Variants in ZC3H12B observed in about 807,000 individuals in gnomAD.
The protein encoded by ZC3H12B is probable ribonuclease ZC3H12B.
A neutral mutation model predicts 43.9 loss-of-function variants in ZC3H12B; 7 were observed. The observed-to-expected ratio is 0.16, with a 90% CI of 0.09 to 0.30. The LOEUF (loss-of-function observed/expected upper bound fraction) is 0.30, where lower values mean the gene tolerates loss of function less well. Ranked by LOEUF, ZC3H12B falls within the 10% of genes least tolerant of loss-of-function variation. The pLI is 1.00. For missense variants in ZC3H12B, 475 were observed against 670.2 expected (o/e 0.71, Z 3.22); for synonymous variants, 222 against 241.7 (o/e 0.92, Z 0.76).
the ZC3H12B span, among the ~76,000 whole-genome samples, chrX:65,345,183 A>G: frequency 8.9e-6 from 1 of 112,367 alleles, no homozygotes; most frequent in Non-Finnish European, 1.9e-5. Context: ...CAACTTAGCA[A>G]TCTCATTACT....
chrX:65,212,671 T>A, the ZC3H12B span, among the ~76,000 whole-genome samples: 2 of 88,010 alleles, frequency 2.3e-5, no homozygotes, highest in Non-Finnish European at 4.3e-5. Flanking sequence ...TATAAATATA[T>A]ATGATTTATA....
chrX:65,420,635 A>T (rs1212311815), intron 3 of ZC3H12B, among the ~76,000 whole-genome samples: 1 of 112,360 alleles, frequency 8.9e-6, no homozygotes, highest in Non-Finnish European at 1.9e-5. Flanking sequence ...AGAGACCTAC[A>T]GACTGCCTGT....
At chrX:65,223,772 C>T in the ZC3H12B span, among the ~76,000 whole-genome samples, 3 of 111,904 alleles carry the variant, frequency 2.7e-5, no homozygotes, top group African/African-American at 6.5e-5. Flanking sequence ...CAATGTGATA[C>T]CATCCTATTC....
chrX:65,155,904 A>C, the ZC3H12B span, among the ~76,000 whole-genome samples: 3 of 110,232 alleles, frequency 2.7e-5, no homozygotes. Flanking sequence ...TGTATTCTAG[A>C]AGAGTATTTA....
the ZC3H12B span, among the ~76,000 whole-genome samples, chrX:65,085,498 G>A: frequency 1.9e-4 from 21 of 111,567 alleles, no homozygotes; most frequent in African/African-American, 6.5e-4. Context: ...TAGAGGCTGG[G>A]TGTAATGGCT....
At position 65,373,933 on chromosome X, in the gene ZC3H12B, GTATATATATATAGTTATATA is replaced by G. The variant is rs2066290684; in HGVS notation, n.295+4942_295+4961del. Among the ~76,000 whole-genome samples, 3 of 41,316 alleles carry G rather than the reference GTATATATATATAGTTATATA, an allele frequency of 7.3e-5. No homozygotes were observed. The African/African-American group carries it at 7.9e-4, about 11-fold the overall frequency. The allele number at this position is 41,316 out of a possible 115,157, so 35.9% of individuals were successfully genotyped here. ...GTTATATATATATACTATATATATA[GTATATATATATAGTTATATA>G]TATATACTGTATATATAGTATATAT... On this transcript the variant is annotated intron_variant and non_coding_transcript_variant, in intron 2 of 5. Transcript: ENST00000617377.
At chrX:65,438,366 C>CT (rs1331017873) in intron 3 of ZC3H12B, among the ~76,000 whole-genome samples, 1 of 111,707 alleles carries the variant, frequency 9.0e-6, no homozygotes, top group Non-Finnish European at 1.9e-5. Context: ...AATATCTTTC[C>CT]TTTTTTTATG....
the ZC3H12B span, among the ~76,000 whole-genome samples, chrX:65,046,086 G>A: frequency 9.0e-6 from 1 of 111,569 alleles, no homozygotes; most frequent in Non-Finnish European, 1.9e-5. Flanking sequence ...AGCACAGACA[G>A]AGTAGATTTA....
Position 65,384,865 on chromosome X carries a change from A to G in ZC3H12B, n.296-13728A>G, listed in dbSNP as rs192608286. On this transcript the variant is annotated intron_variant and non_coding_transcript_variant, in intron 2 of 5. Coordinates refer to the ZC3H12B transcript ENST00000617377. ...AAAGAAAGAACAGGAGTTGGAACATATGGCTAGCCAGTTTTCCCAGCACCA... is the reference window on the plus strand; with the variant it reads ...AAAGAAAGAACAGGAGTTGGAACATGTGGCTAGCCAGTTTTCCCAGCACCA... Among the ~76,000 whole-genome samples, 79 of 112,475 alleles carry G rather than the reference A, an allele frequency of 7.0e-4. No individual in the cohort carries two copies. The East Asian group carries it at 0.018, about 25-fold the overall frequency.
At chrX:65,440,038 T>C (rs1602441559) in intron 3 of ZC3H12B, among the ~76,000 whole-genome samples, 1 of 112,230 alleles carries the variant, frequency 8.9e-6, no homozygotes, top group Non-Finnish European at 1.9e-5. Context: ...TGTTATTGGA[T>C]CTTTTCACCA....
At chrX:65,253,561 G>A in the ZC3H12B span, among the ~76,000 whole-genome samples, 4 of 112,055 alleles carry the variant, frequency 3.6e-5, no homozygotes, top group Admixed American at 1.9e-4. Flanking sequence ...TTTAGCATTA[G>A]GGGAATTGTC....
At chrX:65,472,996 ATG>A (rs1345629708) in intron 3 of ZC3H12B, among the ~76,000 whole-genome samples, 2 of 75,365 alleles carry the variant, frequency 2.7e-5, no homozygotes, top group African/African-American at 1.0e-4. Flanking sequence ...ATATATATAT[ATG>A]TATATATATA....
At chrX:65,060,004 C>A in the ZC3H12B span, among the ~76,000 whole-genome samples, 3 of 112,171 alleles carry the variant, frequency 2.7e-5, no homozygotes, top group Non-Finnish European at 3.8e-5. Context: ...TTTTCAATTT[C>A]TTTTTCAGAT....
intron 3 of ZC3H12B, among the ~76,000 whole-genome samples, chrX:65,411,835 T>C (rs2066906979): frequency 9.1e-6 from 1 of 109,818 alleles, no homozygotes; most frequent in Non-Finnish European, 1.9e-5. Context: ...TATAATGTGA[T>C]TATTTCACAT....
At chrX:65,106,978 AG>A in the ZC3H12B span, among the ~76,000 whole-genome samples, 1 of 111,536 alleles carries the variant, frequency 9.0e-6, no homozygotes, top group Non-Finnish European at 1.9e-5. Flanking sequence ...GAGCCTGTGA[AG>A]TACCTATGAA....
At chrX:65,306,875 TAGATA>T in the ZC3H12B span, among the ~76,000 whole-genome samples, 4 of 112,388 alleles carry the variant, frequency 3.6e-5, no homozygotes, top group African/African-American at 1.3e-4. Context: ...TGCCACAAAT[TAGATA>T]AATCTCAAGT....
chrX:65,378,310 G>C (rs2066377835), intron 2 of ZC3H12B, among the ~76,000 whole-genome samples: 1 of 111,348 alleles, frequency 9.0e-6, no homozygotes, highest in African/African-American at 3.3e-5. Flanking sequence ...AGATTAAAAA[G>C]ACGAGATTAA....
At chrX:65,407,610 G>A (rs2066848022) in intron 3 of ZC3H12B, among the ~76,000 whole-genome samples, 1 of 113,634 alleles carries the variant, frequency 8.8e-6, no homozygotes, top group Non-Finnish European at 1.9e-5. Flanking sequence ...CCGCCGCCTC[G>A]GGGAAAACCC....
At chrX:65,317,611 T>C in the ZC3H12B span, among the ~76,000 whole-genome samples, 1 of 109,264 alleles carries the variant, frequency 9.2e-6, no homozygotes, top group Non-Finnish European at 1.9e-5. Flanking sequence ...CTCCCACTTA[T>C]GAGTGAGAAC....
Sources: gnomAD v4.1 joint callset for allele counts (sites outside exome capture counted in the v4.1 genomes callset) on GRCh38, gnomAD v4.1.1 for gene constraint, MANE v1.5 for transcripts, NCBI Gene and HGNC (gene_info 2026-07-23, HGNC 2026-07-21) for gene names.